Variants in CDKL4 observed in about 807,000 individuals in gnomAD.
The protein encoded by CDKL4 is cyclin dependent kinase like 4, also known as cyclin-dependent kinase-like 4.
Under a neutral mutation model 42.0 loss-of-function variants are expected in CDKL4, and 44 were observed. The observed-to-expected ratio is 1.05, with a 90% CI of 0.82 to 1.35. CDKL4 has a LOEUF of 1.35. Ranked by LOEUF, CDKL4 falls within the 40% of genes most tolerant of loss-of-function variation. The probability of loss-of-function intolerance (pLI) is 0.00; values close to 1 mark genes in which losing one functional copy is unlikely to be tolerated. For missense variants in CDKL4, 393 were observed against 369.9 expected (o/e 1.06, Z -0.51); for synonymous variants, 120 against 121.6 (o/e 0.99, Z 0.09).
upstream of CDKL4, among the ~76,000 whole-genome samples, chr2:39,244,857 G>C (rs867146853): frequency 2.6e-5 from 4 of 152,152 alleles, no homozygotes; most frequent in South Asian, 8.3e-4. Context: ...CCTGTGTCTA[G>C]CTCAGGGTTT....
At chr2:39,220,990 TTTTTTTTTTTGTTTTTTTTTTTG>T (rs1678300308) in intron 3 of CDKL4, among the ~76,000 whole-genome samples, 1 of 45,192 alleles carries the variant, frequency 2.2e-5, no homozygotes, top group East Asian at 6.6e-4. Flanking sequence ...TTTTTTTTTT[TTTTTTTTTTTGTTTTTTTTTTTG>T]TTTTGTTTTT....
intron 4 of CDKL4, among the ~76,000 whole-genome samples, chr2:39,210,417 T>C (rs1362105607): frequency 6.6e-6 from 1 of 152,182 alleles, no homozygotes; most frequent in Non-Finnish European, 1.5e-5. Flanking sequence ...TGGTCTACAA[T>C]AATGTTTGGC....
chr2:39,176,607 T>C (rs921894811), intron 9 of CDKL4, among the ~76,000 whole-genome samples: 2 of 152,238 alleles, frequency 1.3e-5, no homozygotes, highest in Admixed American at 6.5e-5. Context: ...CTAATTTTTG[T>C]ATTTTTGATA....
At chr2:39,233,733 A>G (rs1679211324) in intron 1 of CDKL4, among the ~76,000 whole-genome samples, 1 of 151,692 alleles carries the variant, frequency 6.6e-6, no homozygotes, top group African/African-American at 2.4e-5. Flanking sequence ...TTACAAAAAA[A>G]AACACACAAA....
intron 1 of CDKL4, among the ~76,000 whole-genome samples, chr2:39,241,241 A>T (rs929642588): frequency 3.9e-5 from 6 of 152,248 alleles, no homozygotes; most frequent in African/African-American, 1.4e-4. Flanking sequence ...CTCAAATGGT[A>T]CAGAAAAATT....
chr2:39,211,827 T>C (rs544871611), intron 4 of CDKL4, among the ~76,000 whole-genome samples: 2 of 152,110 alleles, frequency 1.3e-5, no homozygotes, highest in Non-Finnish European at 2.9e-5. Flanking sequence ...AATTTTAACA[T>C]TATCGAAAGT....
At chr2:39,235,555 G>C (rs1433513197) in intron 1 of CDKL4, among the ~76,000 whole-genome samples, 1 of 152,088 alleles carries the variant, frequency 6.6e-6, no homozygotes, top group Non-Finnish European at 1.5e-5. Context: ...GACCAGCCTG[G>C]GCAATACAGT....
chr2:39,173,384 T>C (rs1453042186), downstream of CDKL4, among the ~76,000 whole-genome samples: 2 of 152,178 alleles, frequency 1.3e-5, no homozygotes, highest in East Asian at 3.9e-4. Flanking sequence ...CTGTTAAAAA[T>C]GCAGGAAACT....
At chr2:39,178,176 G>T (rs1675248782) in intron 9 of CDKL4, among the ~76,000 whole-genome samples, 1 of 152,136 alleles carries the variant, frequency 6.6e-6, no homozygotes, top group African/African-American at 2.4e-5. Flanking sequence ...TAGAGATTTT[G>T]GATACACAGA....
the CDKL4 span, among the ~76,000 whole-genome samples, chr2:39,170,549 C>T: frequency 3.3e-5 from 5 of 151,938 alleles, no homozygotes; most frequent in Admixed American, 2.0e-4. Context: ...CTCCACCTCC[C>T]GGATTCAAGC....
chr2:39,179,152 A>G (rs751339400), intron 9 of CDKL4, 35 bp downstream of exon 9: 1 of 1,583,208 alleles, frequency 6.3e-7, no homozygotes, highest in South Asian at 1.2e-5. Context: ...AAAAGGAATT[A>G]TTTTTATAGC....
At chr2:39,178,747 A>G (rs1675273414) in intron 9 of CDKL4, 4 of 1,604,698 alleles carry the variant, frequency 2.5e-6, no homozygotes, top group Non-Finnish European at 3.4e-6. Flanking sequence ...GGAAAGGCAG[A>G]CTTAGGTGCC....
At chr2:39,212,532 C>A (rs771425464) in intron 4 of CDKL4, among the ~76,000 whole-genome samples, 31 of 151,610 alleles carry the variant, frequency 2.0e-4, no homozygotes, top group Admixed American at 1.8e-3. Context: ...CATGCCCGGC[C>A]GGAAACGGTT....
rs1678863597 is a variant in CDKL4, at chr2:39,228,037, C to T, written c.168+1328G>A. On this transcript the variant is annotated intron_variant, in intron 2 of 9. Coordinates refer to ENST00000451199, the Ensembl canonical transcript of CDKL4. ...GATGGACGTTCTGACATTCTGAGGG[C>T]CTTCATCAGAGACCAAGCTGAGTCA... Among the ~76,000 whole-genome samples, 5 of 152,174 alleles carry T rather than the reference C, an allele frequency of 3.3e-5. No individual in the cohort carries two copies. In the South Asian group the frequency reaches 8.3e-4, roughly 25 times the overall value.
intron 3 of CDKL4, among the ~76,000 whole-genome samples, chr2:39,215,333 T>C (rs1677851750): frequency 6.6e-6 from 1 of 152,248 alleles, no homozygotes; most frequent in East Asian, 1.9e-4. Flanking sequence ...TAAATTGGTC[T>C]GTTCACTGTT....
Position 39,198,122 on chromosome 2 carries a change from TTAAAG to T in CDKL4, c.454+6400_454+6404del, listed in dbSNP as rs935510482. 1.4e-4 allele frequency among the ~76,000 whole-genome samples: 21 copies of T among 152,070 alleles called. No individual in the cohort carries two copies. The South Asian group carries it at 3.3e-3, about 24-fold the overall frequency. On this transcript the variant is annotated intron_variant, in intron 5 of 9. Transcript: ENST00000451199. ...CTGACACATAAGGACTCACATAAGC[TTAAAG>T]TAAAGTGGGGGGAAAGGGTATTCCA...
At chr2:39,182,538 T>A (rs557092343) in intron 8 of CDKL4, among the ~76,000 whole-genome samples, 1 of 152,338 alleles carries the variant, frequency 6.6e-6, no homozygotes, top group African/African-American at 2.4e-5. Context: ...ATCAAGAAGC[T>A]GAAGAATTAA....
intron 1 of CDKL4, among the ~76,000 whole-genome samples, chr2:39,235,836 A>T (rs1466710138): frequency 6.6e-6 from 1 of 152,174 alleles, no homozygotes; most frequent in Non-Finnish European, 1.5e-5. Flanking sequence ...TTTCAACAAA[A>T]AAATTAGGAG....
intron 3 of CDKL4, among the ~76,000 whole-genome samples, chr2:39,213,875 C>T (rs1056235871): frequency 8.4e-4 from 127 of 151,696 alleles, no homozygotes; most frequent in Admixed American, 8.3e-3. Flanking sequence ...CTCTCCCTGT[C>T]TCTCTCTGTA....
Sources: gnomAD v4.1 joint callset for allele counts (sites outside exome capture counted in the v4.1 genomes callset) on GRCh38, gnomAD v4.1.1 for gene constraint, MANE v1.5 for transcripts, NCBI Gene and HGNC (gene_info 2026-07-23, HGNC 2026-07-21) for gene names.